ABHD12: variants seen among roughly 807,000 people sequenced by gnomAD.
ABHD12 encodes the protein lysophosphatidylserine lipase ABHD12.
In ABHD12, 43 loss-of-function variants were observed where a neutral mutation model predicts 58.3. The ratio of observed to expected loss-of-function variants is 0.74; its 90% CI spans 0.58 to 0.95. The LOEUF is 0.95. Among genes scored for constraint, ABHD12 ranks in the 40% least tolerant of loss-of-function variants. The pLI, the probability that ABHD12 is intolerant of heterozygous loss-of-function variation, is 0.00. For missense variants in ABHD12, 539 were observed against 537.2 expected (o/e 1.00, Z -0.03); for synonymous variants, 219 against 211.2 (o/e 1.04, Z -0.32).
intron 1 of ABHD12, among the ~76,000 whole-genome samples, chr20:25,347,603 C>T (rs758772198): frequency 2.6e-5 from 4 of 151,740 alleles, no homozygotes; most frequent in East Asian, 1.9e-4. Context: ...GGCAGCAGGA[C>T]GCCTTGAGCA....
Position 25,390,704 on chromosome 20 carries a change from C to T in ABHD12, c.-1G>A, listed in dbSNP as rs1426088575. 2.2e-6 allele frequency: 3 copies of T among 1,381,510 alleles called. No homozygotes were observed. Among genetic ancestry groups the T allele is most frequent in the Non-Finnish European group, 1.9e-6 (2 of 1,065,342 alleles). The allele number at this position is 1,381,510 out of a possible 1,614,324, so 85.6% of individuals were successfully genotyped here. On this transcript the variant is annotated 5_prime_UTR_variant, in exon 1 of 13. Coordinates refer to ENST00000339157, the MANE Select transcript of ABHD12 (RefSeq NM_001042472.3). ...CGACGGGCTCGGTCCGCTTCCTCAT[C>T]CCGCGGCCGACAGGGCCAGCCGCCG...
At chr20:25,341,426 T>A (rs1281989911) in intron 1 of ABHD12, among the ~76,000 whole-genome samples, 1 of 152,234 alleles carries the variant, frequency 6.6e-6, no homozygotes, top group Non-Finnish European at 1.5e-5. Context: ...AGCTTTTCAA[T>A]GAGGGTACAT....
intron 1 of ABHD12, among the ~76,000 whole-genome samples, chr20:25,384,026 C>T (rs1045381832): frequency 2.7e-5 from 4 of 149,346 alleles, no homozygotes; most frequent in Non-Finnish European, 5.9e-5. Flanking sequence ...CCCATAGTCC[C>T]AGCTACTCAG....
chr20:25,343,508 C>CA (rs913456023), intron 1 of ABHD12, among the ~76,000 whole-genome samples: 21 of 151,900 alleles, frequency 1.4e-4, no homozygotes, highest in Non-Finnish European at 2.1e-4. Context: ...GCAACATCTT[C>CA]AAAAAAAAGA....
chr20:25,301,617 C>A (rs1342768572), intron 12 of ABHD12, among the ~76,000 whole-genome samples: 1 of 152,212 alleles, frequency 6.6e-6, no homozygotes, highest in African/African-American at 2.4e-5. Flanking sequence ...GGCAGGTAGG[C>A]GAGTCTGGGC....
chr20:25,359,423 C>CAAAAAAAAAAAAA (rs565367954), intron 1 of ABHD12, among the ~76,000 whole-genome samples: 6 of 63,116 alleles, frequency 9.5e-5, no homozygotes, highest in African/African-American at 2.5e-4. Flanking sequence ...GACTCCGTCT[C>CAAAAAAAAAAAAA]AAAAAAAAAA....
intron 1 of ABHD12, among the ~76,000 whole-genome samples, chr20:25,370,533 C>T (rs1331446447): frequency 6.6e-6 from 1 of 152,160 alleles, no homozygotes; most frequent in Non-Finnish European, 1.5e-5. Context: ...TATTTTCAAC[C>T]CATAATAATT....
chr20:25,302,457 C>G, intron 11 of ABHD12, 111 bp from the exon 12 acceptor site: 1 of 1,409,204 alleles, frequency 7.1e-7, no homozygotes. Context: ...CAGAGTCCCA[C>G]ATACACTGCT....
exon 13 of ABHD12, chr20:25,294,898 C>T (rs944710330): frequency 6.5e-7 from 1 of 1,541,328 alleles, no homozygotes; most frequent in East Asian, 2.3e-5. Context: ...ACCTGCCCTC[C>T]ACTTTCAGCT....
intron 1 of ABHD12, among the ~76,000 whole-genome samples, chr20:25,381,125 A>G (rs1313400004): frequency 6.6e-6 from 1 of 152,090 alleles, no homozygotes; most frequent in African/African-American, 2.4e-5. Flanking sequence ...TGCTTGTCAC[A>G]CAGTCAGAGT....
chr20:25,350,575 T>G (rs1283944982), intron 1 of ABHD12, among the ~76,000 whole-genome samples: 1 of 152,246 alleles, frequency 6.6e-6, no homozygotes, highest in Non-Finnish European at 1.5e-5. Context: ...CCCAGCCATG[T>G]GGAACTGTGA....
chr20:25,296,372 C>A (rs201489693), downstream of ABHD12: 1 of 1,614,050 alleles, frequency 6.2e-7, no homozygotes, highest in Non-Finnish European at 8.5e-7. Context: ...CCCTGCAGAA[C>A]CCCAAGGAGT....
At chr20:25,323,262 C>T (rs1464033765) in intron 3 of ABHD12, 63 bp downstream of exon 3, 2 of 995,638 alleles carry the variant, frequency 2.0e-6, no homozygotes, top group Admixed American at 1.7e-5. Flanking sequence ...AAGACAGCAC[C>T]AGCTCAGTCA....
chr20:25,333,638 C>G (rs1379194183), intron 2 of ABHD12, among the ~76,000 whole-genome samples: 2 of 151,760 alleles, frequency 1.3e-5, no homozygotes, highest in Non-Finnish European at 2.9e-5. Context: ...CCCTGGGATG[C>G]AAGGTTGGTT....
downstream of ABHD12, among the ~76,000 whole-genome samples, chr20:25,298,556 A>G (rs1315590272): frequency 6.6e-6 from 1 of 152,202 alleles, no homozygotes; most frequent in African/African-American, 2.4e-5. Context: ...TTCCTGGCCA[A>G]GCTAGCTATT....
intron 4 of ABHD12, among the ~76,000 whole-genome samples, chr20:25,319,822 C>T (rs1476977494): frequency 6.6e-6 from 1 of 152,176 alleles, no homozygotes; most frequent in East Asian, 1.9e-4. Flanking sequence ...AAAAACATGC[C>T]CCTCTGGCTG....
intron 1 of ABHD12, among the ~76,000 whole-genome samples, chr20:25,383,477 C>G (rs2090046247): frequency 6.6e-6 from 1 of 152,186 alleles, no homozygotes; most frequent in South Asian, 2.1e-4. Flanking sequence ...ACCAGTCATG[C>G]CTTCAATGCA....
chr20:25,348,448 A>T (rs1402674211), intron 1 of ABHD12, among the ~76,000 whole-genome samples: 3 of 5,108 alleles, frequency 5.9e-4, no homozygotes, highest in Admixed American at 1.9e-3. Context: ...CCATTTGGTA[A>T]AAAAAAAAAA....
intron 1 of ABHD12, among the ~76,000 whole-genome samples, chr20:25,353,606 T>A (rs748158207): frequency 3.9e-5 from 6 of 152,150 alleles, no homozygotes; most frequent in African/African-American, 2.4e-5. Context: ...GGGTTCACTT[T>A]AGAGCAGGAC....
Sources: allele counts gnomAD v4.1 joint callset (sites outside exome capture counted in the v4.1 genomes callset), GRCh38; gene constraint gnomAD v4.1.1; transcripts MANE v1.5; gene names NCBI Gene and HGNC (gene_info 2026-07-23, HGNC 2026-07-21).